Variants in AOPEP observed in about 807,000 individuals in gnomAD.
The protein encoded by AOPEP is aminopeptidase O.
A neutral mutation model predicts 98.1 loss-of-function variants in AOPEP; 77 were observed. That is an observed-to-expected ratio of 0.78 (90% CI 0.65 to 0.95). The LOEUF is 0.95. AOPEP is among the 40% of genes least tolerant of loss of function. The probability of loss-of-function intolerance (pLI) is 0.00; values close to 1 mark genes in which losing one functional copy is unlikely to be tolerated. For missense variants in AOPEP, 1,024 were observed against 1,024.7 expected (o/e 1.00, Z 0.01); for synonymous variants, 346 against 365.3 (o/e 0.95, Z 0.60).
At chr9:94,905,043 G>A (rs1182009597) in intron 5 of AOPEP, among the ~76,000 whole-genome samples, 1 of 152,230 alleles carries the variant, frequency 6.6e-6, no homozygotes, top group Admixed American at 6.5e-5. Context: ...GGGTTTGACA[G>A]CATGAATGGT....
At chr9:94,988,262 T>TG (rs2060644956) in intron 11 of AOPEP, among the ~76,000 whole-genome samples, 2 of 152,182 alleles carry the variant, frequency 1.3e-5, no homozygotes, top group African/African-American at 4.8e-5. Flanking sequence ...ATCAATGTGA[T>TG]GCAGCTGATG....
the AOPEP span, among the ~76,000 whole-genome samples, chr9:95,117,785 G>A: frequency 4.7e-5 from 7 of 147,786 alleles, no homozygotes; most frequent in Admixed American, 6.8e-5. Flanking sequence ...GTGCAATGGC[G>A]CGATCTCAGC....
intron 5 of AOPEP, among the ~76,000 whole-genome samples, chr9:94,850,145 T>C (rs1350667067): frequency 1.3e-5 from 2 of 152,148 alleles, no homozygotes; most frequent in Non-Finnish European, 2.9e-5. Context: ...GCCTGGTTCT[T>C]AACAGTCCCC....
intron 15 of AOPEP, 110 bp from the exon 16 acceptor site, chr9:95,082,465 A>AT (rs2134249583): frequency 7.8e-7 from 1 of 1,281,792 alleles, no homozygotes; most frequent in Non-Finnish European, 1.1e-6. Flanking sequence ...GGTCTTTGCA[A>AT]TTTCTAGACC....
At chr9:94,747,357 T>C (rs766691821) in intron 1 of AOPEP, among the ~76,000 whole-genome samples, 1 of 152,180 alleles carries the variant, frequency 6.6e-6, no homozygotes, top group Admixed American at 6.5e-5. Context: ...TAAATGACAT[T>C]GCCCCACGGG....
chr9:94,902,784 C>T (rs1017981036), intron 5 of AOPEP, among the ~76,000 whole-genome samples: 2 of 151,040 alleles, frequency 1.3e-5, no homozygotes, highest in African/African-American at 4.9e-5. Context: ...TGCCGGGCAC[C>T]GTGGCTCACA....
chr9:94,848,223 C>T (rs562013217), intron 5 of AOPEP, among the ~76,000 whole-genome samples: 4 of 152,116 alleles, frequency 2.6e-5, no homozygotes, highest in East Asian at 1.9e-4. Context: ...GAGGCCAAGG[C>T]GGGCGGGTCA....
rs182940224 is a variant in AOPEP, at chr9:94,845,511, G to C, written c.1364+44509G>C. On this transcript the variant is annotated intron_variant, in intron 5 of 16. Transcript: ENST00000375315. ...ATCATGCTGGGTGGATACCCGTTTTGGGGGAACGGGACAGGAAAGGGGCAG... is the reference window on the plus strand; with the variant it reads ...ATCATGCTGGGTGGATACCCGTTTTCGGGGAACGGGACAGGAAAGGGGCAG... Among the ~76,000 whole-genome samples the C allele has an allele frequency of 2.8e-4, 42 of 152,270 alleles. No homozygotes were observed. In the East Asian group the frequency reaches 3.5e-3, roughly 13 times the overall value.
At position 95,068,630 on chromosome 9, in the gene AOPEP, T is replaced by C. The variant is rs1228684500; in HGVS notation, c.2232+7820T>C. 5.3e-5 allele frequency among the ~76,000 whole-genome samples: 8 copies of C among 152,324 alleles called. No individual in the cohort carries two copies. In the East Asian group the frequency reaches 1.5e-3, roughly 29 times the overall value. The stretch of plus-strand genomic sequence containing the variant: ...GATGGTATCCCTTGAGGTATAAAAA[T>C]TTTCACTTTAATGAAGTCCAGTGTA... On this transcript the variant is annotated intron_variant, in intron 14 of 16. Coordinates refer to ENST00000375315, the MANE Select transcript of AOPEP (RefSeq NM_001193329.3).
chr9:94,847,716 G>A (rs1371974295), intron 5 of AOPEP, among the ~76,000 whole-genome samples: 1 of 152,158 alleles, frequency 6.6e-6, no homozygotes, highest in East Asian at 1.9e-4. Flanking sequence ...GGGAGAAAAT[G>A]TGAGGTATTT....
intron 5 of AOPEP, among the ~76,000 whole-genome samples, chr9:94,848,268 C>T (rs1349390711): frequency 5.3e-5 from 8 of 151,834 alleles, no homozygotes; most frequent in East Asian, 1.9e-4. Flanking sequence ...CTGGCTAACA[C>T]GGTGAAACCC....
chr9:95,148,275 C>T, the AOPEP span, among the ~76,000 whole-genome samples: 3 of 152,154 alleles, frequency 2.0e-5, no homozygotes, highest in African/African-American at 7.2e-5. Flanking sequence ...CAAAAAAAGA[C>T]GGTTGCCTGG....
chr9:94,745,903 A>G (rs1834368658), intron 1 of AOPEP, among the ~76,000 whole-genome samples: 1 of 152,200 alleles, frequency 6.6e-6, no homozygotes, highest in African/African-American at 2.4e-5. Context: ...GATTGATGGA[A>G]CATACGGTAT....
chr9:94,763,054 G>T, intron 2 of AOPEP: 1 of 388,782 alleles, frequency 2.6e-6, no homozygotes, highest in Non-Finnish European at 5.3e-6. Flanking sequence ...TTCCTGAATT[G>T]CAGAATATTA....
rs182625980 is a variant in AOPEP, at chr9:94,922,643, T to C, written c.1365-1343T>C. Among the ~76,000 whole-genome samples, 25 of 152,312 alleles carry C rather than the reference T, an allele frequency of 1.6e-4. No individual in the cohort carries two copies. The East Asian group carries it at 4.8e-3, about 29-fold the overall frequency. On this transcript the variant is annotated intron_variant, in intron 5 of 16. Coordinates refer to ENST00000375315, the MANE Select transcript of AOPEP (RefSeq NM_001193329.3). Reference sequence around the variant, plus strand: ...CTTCCTTCCTTCCTTGTTTTTTTTTTTCCCCTGAGTTAGTGCTCTGAACAA... The same window carrying C: ...CTTCCTTCCTTCCTTGTTTTTTTTTCTCCCCTGAGTTAGTGCTCTGAACAA...
chr9:94,884,427 C>T (rs2047945437), intron 5 of AOPEP, among the ~76,000 whole-genome samples: 1 of 152,154 alleles, frequency 6.6e-6, no homozygotes, highest in Admixed American at 6.5e-5. Context: ...TAAGGATGTT[C>T]TGACCAAATA....
At chr9:95,104,819 T>C in the AOPEP span, among the ~76,000 whole-genome samples, 152 of 152,208 alleles carry the variant, frequency 1.0e-3, 2 homozygotes, top group African/African-American at 3.6e-3. Flanking sequence ...TGAGCTGGAA[T>C]TGTCCTTGTC....
chr9:94,776,752 T>G (rs1470351558), intron 3 of AOPEP, among the ~76,000 whole-genome samples: 2 of 152,244 alleles, frequency 1.3e-5, no homozygotes, highest in Admixed American at 1.3e-4. Flanking sequence ...TTTTACTTAA[T>G]AAAACTTGGG....
intron 5 of AOPEP, among the ~76,000 whole-genome samples, chr9:94,832,748 G>A (rs1353166518): frequency 6.6e-6 from 1 of 152,032 alleles, no homozygotes; most frequent in Non-Finnish European, 1.5e-5. Flanking sequence ...AGTAAAAAGA[G>A]CAAGGTGGAG....
Sources: allele counts gnomAD v4.1 joint callset (sites outside exome capture counted in the v4.1 genomes callset), GRCh38; gene constraint gnomAD v4.1.1; transcripts MANE v1.5; gene names NCBI Gene and HGNC (gene_info 2026-07-23, HGNC 2026-07-21).